The following QTMAN variants were observed in gnomAD, a reference collection of about 807,000 sequenced individuals.
QTMAN encodes queuosine-tRNA mannosyltransferase, also known as tRNA-queuosine alpha-mannosyltransferase.
At chr2:144,305,162 A>T in the QTMAN span, among the ~76,000 whole-genome samples, 1 of 152,256 alleles carries the variant, frequency 6.6e-6, no homozygotes, top group African/African-American at 2.4e-5. Context: ...GTGTCTTGTA[A>T]AAAGGCTTTG....
the QTMAN span, among the ~76,000 whole-genome samples, chr2:144,182,873 T>TA: frequency 1.5e-5 from 1 of 68,930 alleles, no homozygotes; most frequent in Admixed American, 2.1e-4. Flanking sequence ...TATATATATA[T>TA]TATATATATA....
chr2:144,224,683 G>A, the QTMAN span, among the ~76,000 whole-genome samples: 173 of 152,094 alleles, frequency 1.1e-3, 1 homozygote, highest in African/African-American at 4.0e-3. Flanking sequence ...ATGTAGATCT[G>A]GATCTAAGCA....
the QTMAN span, among the ~76,000 whole-genome samples, chr2:144,110,307 C>T: frequency 2.6e-5 from 4 of 152,056 alleles, no homozygotes; most frequent in African/African-American, 4.8e-5. Flanking sequence ...AACCGAACAC[C>T]GCATGTTCTC....
the QTMAN span, among the ~76,000 whole-genome samples, chr2:144,080,950 A>G: frequency 1.3e-5 from 2 of 152,172 alleles, no homozygotes; most frequent in African/African-American, 4.8e-5. Flanking sequence ...ATTTACTCTA[A>G]TTTTACAACC....
the QTMAN span, among the ~76,000 whole-genome samples, chr2:144,145,279 C>T: frequency 2.6e-5 from 4 of 151,768 alleles, no homozygotes. Context: ...AGCAATAGAT[C>T]ATGAAATCAA....
chr2:144,125,112 G>A, the QTMAN span, among the ~76,000 whole-genome samples: 3 of 151,978 alleles, frequency 2.0e-5, no homozygotes, highest in South Asian at 4.1e-4. Flanking sequence ...CATAGAATTC[G>A]TTTTTAATTC....
the QTMAN span, among the ~76,000 whole-genome samples, chr2:144,142,422 G>A: frequency 6.6e-6 from 1 of 151,916 alleles, no homozygotes; most frequent in Non-Finnish European, 1.5e-5. Context: ...TACCCATGTT[G>A]AATTTCTGTC....
chr2:144,240,436 T>A, the QTMAN span, among the ~76,000 whole-genome samples: 1 of 152,222 alleles, frequency 6.6e-6, no homozygotes, highest in East Asian at 1.9e-4. Context: ...TATACACTTC[T>A]GGGTGCACAA....
the QTMAN span, among the ~76,000 whole-genome samples, chr2:144,073,251 T>C: frequency 6.7e-6 from 1 of 148,698 alleles, no homozygotes; most frequent in African/African-American, 2.4e-5. Flanking sequence ...TTTATATATT[T>C]ATATATATAT....
the QTMAN span, among the ~76,000 whole-genome samples, chr2:144,046,044 A>C: frequency 6.6e-6 from 1 of 152,224 alleles, no homozygotes; most frequent in African/African-American, 2.4e-5. Context: ...TATCTCCCAA[A>C]CACAGAAATA....
At chr2:144,272,100 A>G in the QTMAN span, among the ~76,000 whole-genome samples, 4 of 152,184 alleles carry the variant, frequency 2.6e-5, no homozygotes, top group Non-Finnish European at 4.4e-5. Flanking sequence ...TCTAGTAATC[A>G]GCGTACTGTA....
At chr2:144,035,528 A>C in the QTMAN span, among the ~76,000 whole-genome samples, 1 of 152,210 alleles carries the variant, frequency 6.6e-6, no homozygotes, top group Non-Finnish European at 1.5e-5. Context: ...TTACAATTTA[A>C]ATTTATAAAA....
chr2:144,151,747 G>T, the QTMAN span, among the ~76,000 whole-genome samples: 2 of 152,100 alleles, frequency 1.3e-5, no homozygotes, highest in Non-Finnish European at 2.9e-5. Context: ...AAAGTCTTTG[G>T]TTTCAACATA....
At chr2:144,110,109 C>T in the QTMAN span, among the ~76,000 whole-genome samples, 2 of 152,290 alleles carry the variant, frequency 1.3e-5, no homozygotes, top group Non-Finnish European at 2.9e-5. Context: ...TATTGAGGCA[C>T]TATTCACAAT....
At chr2:144,173,316 A>T in the QTMAN span, among the ~76,000 whole-genome samples, 2 of 152,162 alleles carry the variant, frequency 1.3e-5, no homozygotes, top group African/African-American at 2.4e-5. Context: ...TCTAAACTGT[A>T]GAATACAGAA....
At chr2:144,173,193 C>T in the QTMAN span, among the ~76,000 whole-genome samples, 10 of 152,074 alleles carry the variant, frequency 6.6e-5, no homozygotes, top group African/African-American at 2.4e-4. Context: ...AAGATACTCT[C>T]CTCATCTCTG....
chr2:144,304,994 A>C, the QTMAN span, among the ~76,000 whole-genome samples: 1 of 152,204 alleles, frequency 6.6e-6, no homozygotes, highest in Non-Finnish European at 1.5e-5. Context: ...TATTGTGGAT[A>C]CAAGTCCCTT....
chr2:144,173,695 A>G, the QTMAN span, among the ~76,000 whole-genome samples: 2 of 152,178 alleles, frequency 1.3e-5, no homozygotes, highest in African/African-American at 4.8e-5. Flanking sequence ...CAATTTGGAT[A>G]TGGTTTATTT....
the QTMAN span, among the ~76,000 whole-genome samples, chr2:143,993,269 AAATG>A: frequency 1.3e-5 from 2 of 152,198 alleles, no homozygotes; most frequent in African/African-American, 2.4e-5. Flanking sequence ...AAAAAGTATA[AAATG>A]AATGAACGAA....
Sources: gnomAD v4.1 joint callset for allele counts (sites outside exome capture counted in the v4.1 genomes callset) on GRCh38, gnomAD v4.1.1 for gene constraint, MANE v1.5 for transcripts, NCBI Gene and HGNC (gene_info 2026-07-23, HGNC 2026-07-21) for gene names.